IKZF2: variants seen among roughly 807,000 people sequenced by gnomAD.
The protein encoded by IKZF2 is zinc finger protein Helios.
A neutral mutation model predicts 49.2 loss-of-function variants in IKZF2; 15 were observed. That is an observed-to-expected ratio of 0.30 (90% CI 0.20 to 0.47). IKZF2 has a LOEUF of 0.47. IKZF2 is among the 20% of genes least tolerant of loss of function. The probability of loss-of-function intolerance (pLI) is 1.00; values close to 1 mark genes in which losing one functional copy is unlikely to be tolerated. For synonymous variants in IKZF2, 227 were observed against 221.4 expected (o/e 1.03, Z -0.23); for missense variants, 567 against 664.6 (o/e 0.85, Z 1.61).
intron 4 of IKZF2, among the ~76,000 whole-genome samples, chr2:213,118,978 A>T (rs748275543): frequency 9.2e-5 from 14 of 152,336 alleles, no homozygotes; most frequent in South Asian, 8.3e-4. Flanking sequence ...GTAATCTATT[A>T]AACTATGTCA....
chr2:213,022,226 T>C, intron 6 of IKZF2, 96 bp from the exon 7 acceptor site: 3 of 1,207,526 alleles, frequency 2.5e-6, no homozygotes, highest in Non-Finnish European at 2.2e-6. Context: ...GAAGCACTCA[T>C]ATAATTTTCA....
chr2:213,003,523 C>T lies in IKZF2; in HGVS notation c.*3837G>A, dbSNP rs1695075262. ...AAAAAACAAATCATGTAGCTAGTAC[C>T]TCTGACAGTTTAAGTTCTGCCTGAA... On this transcript the variant is annotated 3_prime_UTR_variant, in exon 9 of 9. Transcript: ENST00000434687. 1.3e-5 allele frequency: 2 copies of T among 151,576 alleles called. No homozygotes were observed. The highest frequency in any genetic ancestry group is 1.3e-4 in the Admixed American group (2 of 15,160). The allele number at this position is 151,576 out of a possible 1,614,324, so 9.4% of individuals were successfully genotyped here.
At chr2:213,028,404 AG>A (rs1698044187) in intron 6 of IKZF2, among the ~76,000 whole-genome samples, 1 of 152,182 alleles carries the variant, frequency 6.6e-6, no homozygotes, top group South Asian at 2.1e-4. Context: ...TCTGTTAAAA[AG>A]CTTGTTGGGA....
In IKZF2 at chr2:213,065,149, C is replaced by G. The variant is rs184789265; in HGVS notation, c.140-8050G>C. Among the ~76,000 whole-genome samples, 152 of 152,044 alleles carry G rather than the reference C, an allele frequency of 1.0e-3. 1 individual carries two copies. The highest frequency in any genetic ancestry group is 4.7e-4 in the Non-Finnish European group (32 of 67,924). On this transcript the variant is annotated intron_variant, in intron 4 of 8. Coordinates refer to ENST00000434687, the MANE Select transcript of IKZF2 (RefSeq NM_001387220.1). ...GGTTTTTTTGTTTTTTCTCAAGCACCTGCTTTTATTTTCTGGGATACTTCC... is the reference window on the plus strand; with the variant it reads ...GGTTTTTTTGTTTTTTCTCAAGCACGTGCTTTTATTTTCTGGGATACTTCC...
intron 4 of IKZF2, among the ~76,000 whole-genome samples, chr2:213,146,879 T>C (rs1051233518): frequency 6.6e-6 from 1 of 151,386 alleles, no homozygotes; most frequent in Non-Finnish European, 1.5e-5. Context: ...AAGAATAAAA[T>C]ATAAATCTAA....
At chr2:213,101,995 A>C (rs1706738439) in intron 4 of IKZF2, among the ~76,000 whole-genome samples, 1 of 152,304 alleles carries the variant, frequency 6.6e-6, no homozygotes, top group South Asian at 2.1e-4. Flanking sequence ...CAAAACTGGC[A>C]CTTAGAACAT....
Position 213,005,919 on chromosome 2 carries a change from A to G in IKZF2, c.*1441T>C, listed in dbSNP as rs1391311960. 6.6e-6 allele frequency: 1 copy of G among 152,096 alleles called. No homozygotes were observed. Among genetic ancestry groups the G allele is most frequent in the Non-Finnish European group, 1.5e-5 (1 of 67,994 alleles). The allele number at this position is 152,096 out of a possible 1,614,324, so 9.4% of individuals were successfully genotyped here. A position where few individuals can be genotyped will look rare whatever the true frequency, so the allele number is the denominator to read the frequency against. On this transcript the variant is annotated 3_prime_UTR_variant, in exon 9 of 9. Transcript: ENST00000434687. ...TTCATTTCTGACAAGGACTTACACA[A>G]TTAAATGTTTTGGAAACAGAAAAAT...
intron 4 of IKZF2, among the ~76,000 whole-genome samples, chr2:213,118,262 G>T (rs953308767): frequency 1.3e-5 from 2 of 152,160 alleles, no homozygotes; most frequent in Admixed American, 6.5e-5. Context: ...TGGTTTTATA[G>T]GGGCTTTATC....
chr2:213,013,932 G>A lies in IKZF2; in HGVS notation c.715C>T (p.Pro239Ser), dbSNP rs886860263. The A allele has an allele frequency of 2.0e-5, 33 of 1,610,478 alleles. No homozygotes were observed. The highest frequency in any genetic ancestry group is 2.7e-5 in the Non-Finnish European group (32 of 1,177,528). ...TGTTCCTTACAATCTTCCATAGGAG[G>A]TACTATACAAAACCATAGAAAAATG... The part of the protein sequence containing the change: ...AAGQVMSHHV[P>S]PMEDCKEQEP... Residue 239 changes from proline (P) to serine (S), a missense_variant and splice_region_variant, in exon 8 of 9, where the codon CCT becomes TCT. Physicochemically the swap from Pro to Ser is moderately conservative, Grantham distance 74 (BLOSUM62 -1). This residue lies in a region of IKZF2 where 310 missense variants were observed against 326.9 expected (regional missense o/e 0.95). Transcript: ENST00000434687.
chr2:213,141,373 C>CAGTTAAA (rs2060864879), intron 4 of IKZF2, among the ~76,000 whole-genome samples: 2 of 151,920 alleles, frequency 1.3e-5, no homozygotes, highest in South Asian at 4.1e-4. Context: ...TCACCTACTT[C>CAGTTAAA]GTTAAAACCA....
intron 4 of IKZF2, among the ~76,000 whole-genome samples, chr2:213,064,499 G>A (rs935905414): frequency 3.9e-5 from 6 of 151,904 alleles, no homozygotes; most frequent in Admixed American, 2.0e-4. Context: ...CTTGTATAGC[G>A]TGCACATCAT....
At chr2:213,061,784 A>G (rs10497990) in intron 4 of IKZF2, among the ~76,000 whole-genome samples, 35,207 of 151,338 alleles carry the variant, frequency 0.23, 4,553 homozygotes, top group Non-Finnish European at 0.28. Flanking sequence ...ATATTAACAC[A>G]AGAGTATGTA....
At chr2:213,017,753 C>T (rs1190327427) in intron 7 of IKZF2, among the ~76,000 whole-genome samples, 1 of 152,152 alleles carries the variant, frequency 6.6e-6, no homozygotes, top group Non-Finnish European at 1.5e-5. Context: ...CTTGGATGTT[C>T]TGCTGATTTA....
chr2:213,121,195 C>A (rs1420529362), intron 4 of IKZF2, among the ~76,000 whole-genome samples: 1 of 152,122 alleles, frequency 6.6e-6, no homozygotes, highest in Non-Finnish European at 1.5e-5. Flanking sequence ...CCTATAGGAT[C>A]TTTTCTAGAA....
intron 6 of IKZF2, among the ~76,000 whole-genome samples, chr2:213,047,590 A>G (rs1447868542): frequency 6.6e-6 from 1 of 152,142 alleles, no homozygotes; most frequent in Non-Finnish European, 1.5e-5. Context: ...TCCAGGTTTC[A>G]GAGATCTGGT....
chr2:213,017,856 G>C (rs1425266055), intron 7 of IKZF2, among the ~76,000 whole-genome samples: 1 of 152,052 alleles, frequency 6.6e-6, no homozygotes, highest in Non-Finnish European at 1.5e-5. Context: ...AATAACCTCA[G>C]GGGTTGCATT....
In IKZF2 at chr2:213,007,842, G is replaced by A. The variant is rs148831866; in HGVS notation, c.1099C>T (p.Pro367Ser). Residue 367 changes from proline to serine, a missense_variant, in exon 9 of 9, where the codon CCC becomes TCC. By Grantham distance (74) the Pro-to-Ser change is moderately conservative. Coordinates refer to ENST00000434687, the MANE Select transcript of IKZF2 (RefSeq NM_001387220.1). ...CTATCAGCAGTTTCCCTGCTAATGG[G>A]TCTTTCTATCCTATTTGGATGATAG... The part of the protein sequence containing the change: ...QVYHPNRIER[P>S]ISRETADSHE... 3.1e-6 allele frequency: 5 copies of A among 1,613,424 alleles called. No individual in the cohort carries two copies. The African/African-American group carries it at 4.0e-5, about 13-fold the overall frequency.
At chr2:213,050,746 CA>C (rs1292122361) in intron 5 of IKZF2, among the ~76,000 whole-genome samples, 1 of 152,024 alleles carries the variant, frequency 6.6e-6, no homozygotes, top group Admixed American at 6.6e-5. Flanking sequence ...TCAACTGACT[CA>C]CCAATGTCAT....
intron 6 of IKZF2, among the ~76,000 whole-genome samples, chr2:213,027,275 T>C (rs905242366): frequency 2.0e-5 from 3 of 152,302 alleles, no homozygotes; most frequent in South Asian, 4.1e-4. Flanking sequence ...TGATTAATAG[T>C]ATAGAAATGG....
Sources: gnomAD v4.1 joint callset for allele counts (sites outside exome capture counted in the v4.1 genomes callset) on GRCh38, gnomAD v4.1.1 for gene constraint, gnomAD v4.1.1 regional missense constraint, MANE v1.5 for transcripts, NCBI Gene and HGNC (gene_info 2026-07-23, HGNC 2026-07-21) for gene names.